PSD3: variants seen among roughly 807,000 people sequenced by gnomAD.
PSD3 encodes PH and SEC7 domain-containing protein 3.
Under a neutral mutation model 105.5 loss-of-function variants are expected in PSD3, and 49 were observed. That is an observed-to-expected ratio of 0.46 (90% confidence interval 0.37 to 0.59). PSD3 has a LOEUF of 0.59. PSD3 is among the 20% of genes least tolerant of loss of function. The probability of loss-of-function intolerance (pLI) is 0.00; values close to 1 mark genes in which losing one functional copy is unlikely to be tolerated. For missense variants in PSD3, 1,561 were observed against 1,263.8 expected (o/e 1.24, Z -3.57); for synonymous variants, 557 against 457.8 (o/e 1.22, Z -2.77).
At chr8:18,620,342 G>GTTTTTT (rs57785765) in intron 11 of PSD3, among the ~76,000 whole-genome samples, 4,188 of 121,218 alleles carry the variant, frequency 0.035, 61 homozygotes, top group East Asian at 0.055. Context: ...TTGGGTTTGT[G>GTTTTTT]TTTTTTTTTT....
At position 18,872,784 on chromosome 8, in the gene PSD3, C is replaced by T. The variant is rs780232269; in HGVS notation, c.131-51G>A. On this transcript the variant is annotated intron_variant, in intron 2 of 15. Coordinates refer to ENST00000327040, the MANE Select transcript of PSD3 (RefSeq NM_015310.4). ...TGACTTGTTGTAGAAAGACAGGGCC[C>T]AGTAGGTAATAATGCATATTCACAC... 11 of 1,467,684 alleles carry T rather than the reference C, an allele frequency of 7.5e-6. No individual in the cohort carries two copies. In the Admixed American group the frequency reaches 1.8e-4, roughly 24 times the overall value. 90.9% of individuals were successfully genotyped at this position (1,467,684 alleles called of 1,614,324 possible).
At chr8:18,954,480 A>T (rs895025695) in intron 1 of PSD3, among the ~76,000 whole-genome samples, 20 of 152,302 alleles carry the variant, frequency 1.3e-4, no homozygotes, top group Admixed American at 1.2e-3. Context: ...ATCTGGCTAA[A>T]ATTTTCTCAT....
At position 18,913,542 on chromosome 8, in the gene PSD3, G is replaced by T. The variant is rs141583581; in HGVS notation, c.130+22492C>A. Among the ~76,000 whole-genome samples the T allele has an allele frequency of 1.5e-3, 231 of 150,834 alleles. 1 individual carries two copies. The highest frequency in any genetic ancestry group is 5.3e-3 in the African/African-American group (218 of 41,086). On this transcript the variant is annotated intron_variant, in intron 2 of 15. Transcript: ENST00000327040. Reference sequence around the variant, plus strand: ...CCCAGGAGCCAGGCCAGCCTCAGGGGCCTCATGCTCTACAGAACCAAGGAT... The same window carrying T: ...CCCAGGAGCCAGGCCAGCCTCAGGGTCCTCATGCTCTACAGAACCAAGGAT...
At chr8:18,766,453 C>A (rs1349288345) in intron 8 of PSD3, among the ~76,000 whole-genome samples, 1 of 151,896 alleles carries the variant, frequency 6.6e-6, no homozygotes, top group East Asian at 1.9e-4. Flanking sequence ...AAACTTATAC[C>A]AAAAACTTAT....
intron 9 of PSD3, among the ~76,000 whole-genome samples, chr8:18,670,949 GA>G (rs1271003706): frequency 6.6e-6 from 1 of 152,166 alleles, no homozygotes; most frequent in African/African-American, 2.4e-5. Flanking sequence ...CTTCTTCGAT[GA>G]AAAATAGAGA....
chr8:18,961,225 CATT>C (rs1216649590), intron 1 of PSD3, among the ~76,000 whole-genome samples: 2 of 152,176 alleles, frequency 1.3e-5, no homozygotes, highest in Non-Finnish European at 2.9e-5. Flanking sequence ...TTAATAGAAT[CATT>C]GTTAATAAAG....
At chr8:18,680,419 G>T (rs1563166686) in intron 9 of PSD3, among the ~76,000 whole-genome samples, 1 of 152,152 alleles carries the variant, frequency 6.6e-6, no homozygotes, top group Non-Finnish European at 1.5e-5. Context: ...CAACCAGCTG[G>T]ATCTGACAGC....
chr8:18,751,451 G>A (rs1484371409), intron 9 of PSD3, among the ~76,000 whole-genome samples: 4 of 151,980 alleles, frequency 2.6e-5, no homozygotes, highest in East Asian at 1.9e-4. Context: ...GTGACAGGGA[G>A]GGGTGAACAC....
intron 6 of PSD3, chr8:18,802,398 A>G (rs764757831): frequency 2.4e-6 from 1 of 418,950 alleles, no homozygotes; most frequent in Non-Finnish European, 4.8e-6. Context: ...CAAAATGTCT[A>G]AGAAATCTTA....
chr8:18,762,029 C>A (rs1806583896), intron 9 of PSD3, among the ~76,000 whole-genome samples: 1 of 152,118 alleles, frequency 6.6e-6, no homozygotes, highest in Admixed American at 6.6e-5. Context: ...GGAATAATAA[C>A]CAAGATAACA....
At chr8:18,631,096 C>T (rs1277839057) in intron 11 of PSD3, among the ~76,000 whole-genome samples, 2 of 151,986 alleles carry the variant, frequency 1.3e-5, no homozygotes, top group Non-Finnish European at 2.9e-5. Context: ...GGAATGAACA[C>T]TATCAACAAA....
chr8:18,837,177 C>T (rs1814183136), intron 4 of PSD3, among the ~76,000 whole-genome samples: 1 of 152,052 alleles, frequency 6.6e-6, no homozygotes, highest in Non-Finnish European at 1.5e-5. Flanking sequence ...GATGGCTTAT[C>T]ACATGCAAAA....
intron 10 of PSD3, among the ~76,000 whole-genome samples, chr8:18,644,955 A>AC (rs1807923294): frequency 6.6e-6 from 1 of 152,084 alleles, no homozygotes; most frequent in South Asian, 2.1e-4. Flanking sequence ...GTCTTCTCTA[A>AC]CCCCCACCTG....
At chr8:18,718,855 G>T (rs571584422) in intron 9 of PSD3, among the ~76,000 whole-genome samples, 19 of 152,138 alleles carry the variant, frequency 1.2e-4, no homozygotes, top group African/African-American at 4.3e-4. Context: ...GGAAAATCAG[G>T]TTTTACAAAA....
intron 2 of PSD3, among the ~76,000 whole-genome samples, chr8:18,903,196 A>G (rs1264130207): frequency 6.6e-6 from 1 of 151,986 alleles, no homozygotes; most frequent in African/African-American, 2.4e-5. Context: ...CACTCACCCA[A>G]CTCCAGGAAA....
chr8:18,589,139 T>C (rs9644608), intron 12 of PSD3, among the ~76,000 whole-genome samples: 5,349 of 152,236 alleles, frequency 0.035, 291 homozygotes, highest in East Asian at 0.22. Context: ...GCCCAGCATG[T>C]ACACACATGC....
chr8:19,067,376 G>A (rs1194651157), intron 1 of PSD3, among the ~76,000 whole-genome samples: 2 of 152,162 alleles, frequency 1.3e-5, no homozygotes, highest in East Asian at 1.9e-4. Flanking sequence ...CTTCATTTGA[G>A]GGATAAGAAA....
chr8:18,645,938 C>G (rs1454105928), intron 10 of PSD3, among the ~76,000 whole-genome samples: 1 of 152,004 alleles, frequency 6.6e-6, no homozygotes, highest in Non-Finnish European at 1.5e-5. Context: ...CTCCCTACCT[C>G]TCTCTGCACA....
At chr8:18,847,633 G>A (rs1815204368) in intron 4 of PSD3, among the ~76,000 whole-genome samples, 1 of 152,220 alleles carries the variant, frequency 6.6e-6, no homozygotes, top group Admixed American at 6.5e-5. Flanking sequence ...AATACACCAT[G>A]TGAATTATTT....
Sources: gnomAD v4.1 joint callset for allele counts (sites outside exome capture counted in the v4.1 genomes callset) on GRCh38, gnomAD v4.1.1 for gene constraint, MANE v1.5 for transcripts, NCBI Gene and HGNC (gene_info 2026-07-23, HGNC 2026-07-21) for gene names.